LRRTM4: variants seen among roughly 807,000 people sequenced by gnomAD.
The protein encoded by LRRTM4 is leucine-rich repeat transmembrane neuronal protein 4.
A neutral mutation model predicts 47.6 loss-of-function variants in LRRTM4; 25 were observed. The observed-to-expected ratio is 0.53, with a 90% CI of 0.38 to 0.73. The LOEUF (loss-of-function observed/expected upper bound fraction) is 0.73. LRRTM4 is among the 30% of genes least tolerant of loss of function. The pLI, the probability that LRRTM4 is intolerant of heterozygous loss-of-function variation, is 0.00. For missense variants in LRRTM4, 638 were observed against 713.4 expected, an observed-to-expected ratio of 0.89 and a Z score of 1.20; for synonymous variants, 311 against 269.5, an observed-to-expected ratio of 1.15 and a Z score of -1.51.
intron 3 of LRRTM4, among the ~76,000 whole-genome samples, chr2:76,899,861 C>T (rs2103740340): frequency 6.6e-6 from 1 of 152,236 alleles, no homozygotes; most frequent in Non-Finnish European, 1.5e-5. Context: ...ATGGAATCCT[C>T]AAGGCACACA....
At chr2:77,131,163 C>T (rs1671793561) in intron 3 of LRRTM4, among the ~76,000 whole-genome samples, 2 of 152,044 alleles carry the variant, frequency 1.3e-5, no homozygotes, top group South Asian at 2.1e-4. Flanking sequence ...ATTTTATTTT[C>T]GTACGTATAA....
rs541197147 is a variant in LRRTM4 at position 77,028,727 on chromosome 2, A to C, written c.1552-279811T>G. ...GAAAAGTGTAAAATGCAGGACAAAA[A>C]CCATAGAATTAAAATATTCATTAGC... On this transcript the variant is annotated intron_variant, in intron 3 of 3. Transcript: ENST00000409884. 1.3e-4 allele frequency among the ~76,000 whole-genome samples: 20 copies of C among 151,918 alleles called. No homozygotes were observed. The South Asian group carries it at 3.7e-3, about 28-fold the overall frequency.
At chr2:77,251,285 T>C (rs1675609306) in intron 3 of LRRTM4, among the ~76,000 whole-genome samples, 1 of 149,858 alleles carries the variant, frequency 6.7e-6, no homozygotes, top group Non-Finnish European at 1.5e-5. Flanking sequence ...ATATATGGGC[T>C]TTGGGGTTTT....
intron 3 of LRRTM4, among the ~76,000 whole-genome samples, chr2:77,293,288 T>C (rs1676880723): frequency 6.6e-6 from 1 of 152,080 alleles, no homozygotes; most frequent in Admixed American, 6.6e-5. Flanking sequence ...TTTATGCCAA[T>C]ACAAACATAC....
At chr2:76,812,967 C>T (rs1370191402) in intron 3 of LRRTM4, among the ~76,000 whole-genome samples, 2 of 151,940 alleles carry the variant, frequency 1.3e-5, no homozygotes, top group Non-Finnish European at 1.5e-5. Context: ...AAAAAAAAGA[C>T]TCCTCAACCA....
intron 3 of LRRTM4, among the ~76,000 whole-genome samples, chr2:76,874,928 ATTTGTT>A (rs1672736547): frequency 6.6e-6 from 1 of 152,052 alleles, no homozygotes; most frequent in South Asian, 2.1e-4. Flanking sequence ...TTCATCAGAT[ATTTGTT>A]ATAGTAATTT....
intron 3 of LRRTM4, among the ~76,000 whole-genome samples, chr2:77,413,349 C>A (rs896872574): frequency 6.6e-6 from 1 of 152,098 alleles, no homozygotes; most frequent in Non-Finnish European, 1.5e-5. Flanking sequence ...GTGTCGGTTT[C>A]ATCATCAAGC....
intron 3 of LRRTM4, among the ~76,000 whole-genome samples, chr2:77,474,871 G>A (rs1459441076): frequency 4.6e-5 from 7 of 151,988 alleles, no homozygotes; most frequent in African/African-American, 9.7e-5. Context: ...ACATGCCTTC[G>A]TAATATGAAT....
chr2:77,285,340 T>TTATATATATAGATATATATATA (rs1676622308), intron 3 of LRRTM4, among the ~76,000 whole-genome samples: 1 of 82,590 alleles, frequency 1.2e-5, no homozygotes, highest in African/African-American at 4.2e-5. Flanking sequence ...AGCATTAAAT[T>TTATATATATAGATATATATATA]TATATATATA....
intron 3 of LRRTM4, among the ~76,000 whole-genome samples, chr2:77,356,882 C>T (rs980235259): frequency 6.6e-6 from 1 of 152,024 alleles, no homozygotes; most frequent in African/African-American, 2.4e-5. Flanking sequence ...TTGTGAAGGC[C>T]TAATTAATTA....
intron 3 of LRRTM4, among the ~76,000 whole-genome samples, chr2:76,895,665 A>G (rs376053257): frequency 7.5e-4 from 114 of 152,144 alleles, no homozygotes; most frequent in African/African-American, 2.6e-3. Flanking sequence ...TGCGCAACTA[A>G]GACAACAATC....
chr2:76,995,354 T>C (rs1020353206), intron 3 of LRRTM4, among the ~76,000 whole-genome samples: 2 of 152,066 alleles, frequency 1.3e-5, no homozygotes, highest in African/African-American at 4.8e-5. Context: ...GGTCAAGATA[T>C]TGCTGTAACT....
At chr2:77,413,110 G>T (rs1674503437) in intron 3 of LRRTM4, among the ~76,000 whole-genome samples, 2 of 152,110 alleles carry the variant, frequency 1.3e-5, no homozygotes, top group Non-Finnish European at 2.9e-5. Flanking sequence ...TTGGTTAATG[G>T]CAAGAACATT....
intron 3 of LRRTM4, among the ~76,000 whole-genome samples, chr2:77,097,369 C>T (rs572160592): frequency 1.3e-5 from 2 of 152,028 alleles, no homozygotes; most frequent in Admixed American, 1.3e-4. Flanking sequence ...ACTATCACAA[C>T]TTACTTGGGG....
At chr2:76,797,792 C>CA (rs780711233) in intron 3 of LRRTM4, among the ~76,000 whole-genome samples, 1 of 149,754 alleles carries the variant, frequency 6.7e-6, no homozygotes, top group African/African-American at 2.5e-5. Context: ...CAATGGAAAA[C>CA]AAAAAAAGGC....
At chr2:76,864,120 G>A (rs567659758) in intron 3 of LRRTM4, among the ~76,000 whole-genome samples, 1 of 152,224 alleles carries the variant, frequency 6.6e-6, no homozygotes, top group South Asian at 2.1e-4. Flanking sequence ...AAAGTCTTGG[G>A]GAAAATATGA....
intron 3 of LRRTM4, among the ~76,000 whole-genome samples, chr2:77,286,621 C>A: frequency 6.6e-6 from 1 of 150,738 alleles, no homozygotes; most frequent in East Asian, 1.9e-4. Flanking sequence ...AAAACTCTAG[C>A]AAAGAAGAAA....
intron 3 of LRRTM4, among the ~76,000 whole-genome samples, chr2:77,255,520 C>T (rs748128876): frequency 1.3e-5 from 2 of 151,868 alleles, no homozygotes; most frequent in African/African-American, 4.8e-5. Flanking sequence ...TATCCTAGAC[C>T]ATGAAACACA....
At chr2:76,921,092 A>G (rs945919359) in intron 3 of LRRTM4, among the ~76,000 whole-genome samples, 5 of 152,038 alleles carry the variant, frequency 3.3e-5, no homozygotes, top group African/African-American at 1.2e-4. Context: ...GTTTTCACCT[A>G]ATGTCCTGTT....
Sources: gnomAD v4.1 joint callset for allele counts (sites outside exome capture counted in the v4.1 genomes callset) on GRCh38, gnomAD v4.1.1 for gene constraint, MANE v1.5 for transcripts, NCBI Gene and HGNC (gene_info 2026-07-23, HGNC 2026-07-21) for gene names.